Variants in DCBLD1 observed in about 807,000 individuals in gnomAD.
DCBLD1 encodes discoidin, CUB and LCCL domain-containing protein 1.
Under a neutral mutation model 71.5 loss-of-function variants are expected in DCBLD1, and 57 were observed. The observed-to-expected ratio is 0.80, with a 90% CI of 0.64 to 0.99. DCBLD1 has a LOEUF of 0.99. Among genes scored for constraint, DCBLD1 ranks in the 50% least tolerant of loss-of-function variants. DCBLD1 has a pLI of 0.00. For missense variants in DCBLD1, 891 were observed against 923.5 expected (o/e 0.96, Z 0.46); for synonymous variants, 380 against 363.8 (o/e 1.04, Z -0.51).
chr6:117,491,085 T>C (rs1182215464), intron 1 of DCBLD1, among the ~76,000 whole-genome samples: 4 of 152,248 alleles, frequency 2.6e-5, no homozygotes, highest in Admixed American at 2.0e-4. Context: ...TCTATGTGTT[T>C]GTTGCCTAAC....
intron 2 of DCBLD1, among the ~76,000 whole-genome samples, chr6:117,509,254 A>T (rs1310336060): frequency 6.6e-6 from 1 of 151,820 alleles, no homozygotes; most frequent in Non-Finnish European, 1.5e-5. Context: ...CAACATGGCA[A>T]CCCCCCATCT....
At chr6:117,499,498 C>A (rs993415972) in intron 1 of DCBLD1, among the ~76,000 whole-genome samples, 1 of 152,006 alleles carries the variant, frequency 6.6e-6, no homozygotes, top group Admixed American at 6.6e-5. Context: ...TAAAAGCCTC[C>A]TCACTTCCAT....
rs1779385541 is a variant in DCBLD1 at position 117,549,460 on chromosome 6, C to T, written c.*1021C>T. 1.0e-6 allele frequency: 1 copy of T among 985,288 alleles called. No individual in the cohort carries two copies. Among genetic ancestry groups the T allele is most frequent in the South Asian group, 4.7e-5 (1 of 21,284 alleles). The allele number at this position is 985,288 out of a possible 1,614,324, so 61.0% of individuals were successfully genotyped here. A position where few individuals can be genotyped will look rare whatever the true frequency, so the allele number is the denominator to read the frequency against. On this transcript the variant is annotated 3_prime_UTR_variant, in exon 15 of 15. Transcript: ENST00000338728. Reference sequence around the variant, plus strand: ...CAAGGAGGCGTCTGTAATTCCAGAACAGTCCAGACATCAGCTGTACCTCAT... The same window carrying T: ...CAAGGAGGCGTCTGTAATTCCAGAATAGTCCAGACATCAGCTGTACCTCAT...
Position 117,548,935 on chromosome 6 carries a change from A to G in DCBLD1, c.*496A>G. The G allele has an allele frequency of 2.0e-6, 2 of 989,200 alleles. No individual in the cohort carries two copies. The highest frequency in any genetic ancestry group is 2.4e-6 in the Non-Finnish European group (2 of 832,342). 61.3% of individuals were successfully genotyped at this position (989,200 alleles called of 1,614,324 possible). ...TCTGCTTAAACCTAGTCTTGTTGTT[A>G]TTGAGTCATTTCCTCTCCTTTGATA... On this transcript the variant is annotated 3_prime_UTR_variant, in exon 15 of 15. Transcript: ENST00000338728.
At chr6:117,550,201 GTTC>G (rs1779403420), downstream of DCBLD1, among the ~76,000 whole-genome samples, 1 of 152,002 alleles carries the variant, frequency 6.6e-6, no homozygotes, top group African/African-American at 2.4e-5. Context: ...ATCTATCACA[GTTC>G]TTCTGCGGCA....
intron 1 of DCBLD1, among the ~76,000 whole-genome samples, chr6:117,486,751 C>T (rs145575318): frequency 1.3e-5 from 2 of 152,308 alleles, no homozygotes; most frequent in African/African-American, 4.8e-5. Context: ...TCCATATTCC[C>T]CTTCTTAGCT....
intron 11 of DCBLD1, among the ~76,000 whole-genome samples, chr6:117,541,233 G>A (rs1779085665): frequency 6.6e-6 from 1 of 152,046 alleles, no homozygotes; most frequent in Non-Finnish European, 1.5e-5. Context: ...GAACTTATGT[G>A]CCCTTCAAAC....
At chr6:117,564,746 G>C (rs1011454710) in intron 14 of DCBLD1, among the ~76,000 whole-genome samples, 1 of 152,134 alleles carries the variant, frequency 6.6e-6, no homozygotes, top group Non-Finnish European at 1.5e-5. Flanking sequence ...TTCTAATCCC[G>C]ACAGAAAACA....
intron 14 of DCBLD1, chr6:117,563,388 A>G: frequency 6.2e-7 from 1 of 1,612,482 alleles, no homozygotes; most frequent in Non-Finnish European, 8.5e-7. Context: ...TTAAATCCTG[A>G]AAGAAAGGAG....
chr6:117,501,498 T>C (rs1039809430), intron 1 of DCBLD1, among the ~76,000 whole-genome samples: 25 of 152,162 alleles, frequency 1.6e-4, no homozygotes, highest in African/African-American at 6.0e-4. Flanking sequence ...CATGCCCAGC[T>C]AATTTTTGTA....
intron 1 of DCBLD1, among the ~76,000 whole-genome samples, chr6:117,484,482 G>A (rs1777016181): frequency 6.6e-6 from 1 of 151,856 alleles, no homozygotes; most frequent in African/African-American, 2.4e-5. Flanking sequence ...CTGAGTAGCT[G>A]ACACTACAGG....
Position 117,538,617 on chromosome 6 carries a change from C to T in DCBLD1, c.761-3C>T, listed in dbSNP as rs1253711327. The T allele has an allele frequency of 6.2e-7, 1 of 1,607,476 alleles. No homozygotes were observed. The highest frequency in any genetic ancestry group is 8.5e-7 in the Non-Finnish European group (1 of 1,178,038). On this transcript the variant is annotated splice_region_variant and splice_polypyrimidine_tract_variant and intron_variant, in intron 7 of 14. Transcript: ENST00000338728. ...AAAATATCTTACTGCACTCTTTTTT[C>T]AGGTTGCAGCAGATCCTTGAGTTTT...
At chr6:117,485,746 A>T (rs754196019) in intron 1 of DCBLD1, among the ~76,000 whole-genome samples, 6 of 152,246 alleles carry the variant, frequency 3.9e-5, no homozygotes, top group Non-Finnish European at 5.9e-5. Context: ...ACCAAGTAAT[A>T]AAGAGCCTAC....
intron 2 of DCBLD1, among the ~76,000 whole-genome samples, chr6:117,516,647 A>T (rs1021188796): frequency 6.6e-6 from 1 of 152,188 alleles, no homozygotes; most frequent in African/African-American, 2.4e-5. Flanking sequence ...GTCCATTTTC[A>T]TGCTGCTGAT....
At position 117,548,568 on chromosome 6, in the gene DCBLD1, GA is replaced by G; in HGVS notation, c.*130del. On this transcript the variant is annotated 3_prime_UTR_variant, in exon 15 of 15. Transcript: ENST00000338728. ...TGTGTACACTTGCATGTGTGTGTGT[GA>G]TCCAGTAGGATCCTAGAGACAACCT... is the stretch of plus-strand genomic sequence containing the variant. 6.8e-7 allele frequency: 1 copy of G among 1,460,452 alleles called. No individual in the cohort carries two copies. Among genetic ancestry groups the G allele is most frequent in the South Asian group, 1.4e-5 (1 of 69,974 alleles). The allele number at this position is 1,460,452 out of a possible 1,614,324, so 90.5% of individuals were successfully genotyped here. A position where few individuals can be genotyped will look rare whatever the true frequency, so the allele number is the denominator to read the frequency against.
chr6:117,486,548 T>C (rs1777090778), intron 1 of DCBLD1, among the ~76,000 whole-genome samples: 1 of 152,238 alleles, frequency 6.6e-6, no homozygotes, highest in African/African-American at 2.4e-5. Context: ...TCTAGCTGTT[T>C]GGTTTTTTTG....
chr6:117,525,468 TA>T, intron 5 of DCBLD1, 34 bp downstream of exon 5: 1 of 1,417,046 alleles, frequency 7.1e-7, no homozygotes, highest in South Asian at 1.8e-5. Context: ...GAGAATGAAT[TA>T]AAAGGAGTAA....
In DCBLD1 at chr6:117,521,329, A is replaced by G. The variant is rs188784119; in HGVS notation, c.461-196A>G. ...GTTGAAAAACTGTCATTGGTGGCAG[A>G]AAAAAGAAACGAAAGGAACTCATTA... On this transcript the variant is annotated intron_variant, in intron 3 of 14. Transcript: ENST00000338728. Among the ~76,000 whole-genome samples, 63 of 152,350 alleles carry G rather than the reference A, an allele frequency of 4.1e-4. No homozygotes were observed. The East Asian group carries it at 0.011, about 26-fold the overall frequency.
At chr6:117,519,564 C>T (rs1012694244) in intron 2 of DCBLD1, among the ~76,000 whole-genome samples, 1 of 152,202 alleles carries the variant, frequency 6.6e-6, no homozygotes, top group Non-Finnish European at 1.5e-5. Flanking sequence ...AAACCTATCT[C>T]TTGGGTTGCT....
Sources: allele counts gnomAD v4.1 joint callset (sites outside exome capture counted in the v4.1 genomes callset), GRCh38; gene constraint gnomAD v4.1.1; transcripts MANE v1.5; gene names NCBI Gene and HGNC (gene_info 2026-07-23, HGNC 2026-07-21).